Variants in NRF1 observed in about 807,000 individuals in gnomAD.
The protein encoded by NRF1 is nuclear respiratory factor 1.
A neutral mutation model predicts 58.5 loss-of-function variants in NRF1; 5 were observed. The observed-to-expected ratio is 0.09, with a 90% confidence interval of 0.04 to 0.18. The LOEUF (loss-of-function observed/expected upper bound fraction) is 0.18, where lower values mean the gene tolerates loss of function less well. Among genes scored for constraint, NRF1 ranks in the 10% least tolerant of loss-of-function variants. The pLI, the probability that NRF1 is intolerant of heterozygous loss-of-function variation, is 1.00. For synonymous variants in NRF1, 224 were observed against 246.7 expected (o/e 0.91, Z 0.86); for missense variants, 288 against 657.7 (o/e 0.44, Z 6.15).
At chr7:129,627,475 G>A (rs1228533555) in intron 1 of NRF1, among the ~76,000 whole-genome samples, 1 of 151,854 alleles carries the variant, frequency 6.6e-6, no homozygotes, top group African/African-American at 2.4e-5. Context: ...CCAAAGTGTT[G>A]GGATTACAGG....
chr7:129,689,195 A>C (rs1802509027), intron 4 of NRF1, among the ~76,000 whole-genome samples: 1 of 152,222 alleles, frequency 6.6e-6, no homozygotes, highest in African/African-American at 2.4e-5. Context: ...CTTCAACTGC[A>C]GAAGTTGCAC....
intron 1 of NRF1, among the ~76,000 whole-genome samples, chr7:129,616,554 A>G (rs558725212): frequency 6.6e-6 from 1 of 152,328 alleles, no homozygotes; most frequent in Admixed American, 6.5e-5. Context: ...GAGCATAATC[A>G]TGCCATTGTG....
intron 8 of NRF1, among the ~76,000 whole-genome samples, 180 bp downstream of exon 8, chr7:129,711,756 C>CA (rs1389210433): frequency 6.6e-6 from 1 of 152,112 alleles, no homozygotes; most frequent in Non-Finnish European, 1.5e-5. Flanking sequence ...TTAATTGTAA[C>CA]AATTAAGATT....
At chr7:129,748,399 G>GCAATAAAGTCACAGGAGGGAGAAAC in intron 10 of NRF1, among the ~76,000 whole-genome samples, 2 of 152,168 alleles carry the variant, frequency 1.3e-5, no homozygotes, top group South Asian at 4.1e-4. Flanking sequence ...AATGGTGGCG[G>GCAATAAAGTCACAGGAGGGAGAAAC]CAATAAAGTC....
intron 2 of NRF1, among the ~76,000 whole-genome samples, chr7:129,663,564 C>T (rs1319806606): frequency 5.5e-5 from 8 of 145,200 alleles, no homozygotes; most frequent in South Asian, 2.2e-4. Flanking sequence ...ACATCCCAGA[C>T]GATGGGCGGC....
chr7:129,749,490 G>C (rs374450111), intron 10 of NRF1, among the ~76,000 whole-genome samples: 115 of 151,870 alleles, frequency 7.6e-4, no homozygotes, highest in African/African-American at 2.6e-3. Context: ...GGGAAACATG[G>C]TCCTGCAGCC....
rs73721778 is a variant in NRF1, at chr7:129,673,073, G to T, written c.338+1530G>T. Among the ~76,000 whole-genome samples, 1,435 of 152,282 alleles carry T rather than the reference G, an allele frequency of 9.4e-3. 18 individuals carry two copies. Among genetic ancestry groups the T allele is most frequent in the African/African-American group, 0.027 (1,142 of 41,548 alleles). ...GTATCCTGGAAACCAGGTACAAAAA[G>T]TGTGTCAGGAAGGAGAGCATGTGAT... On this transcript the variant is annotated intron_variant, in intron 3 of 10. Coordinates refer to ENST00000393232, the MANE Select transcript of NRF1 (RefSeq NM_005011.5).
chr7:129,676,181 C>G (rs1802172428), intron 3 of NRF1, among the ~76,000 whole-genome samples: 2 of 152,190 alleles, frequency 1.3e-5, no homozygotes, highest in South Asian at 2.1e-4. Context: ...ACCACTAAAA[C>G]TTTCTCCATA....
At chr7:129,647,273 G>C (rs1285021592) in intron 1 of NRF1, among the ~76,000 whole-genome samples, 1 of 151,866 alleles carries the variant, frequency 6.6e-6, no homozygotes, top group Admixed American at 6.6e-5. Context: ...CTCGCGATCT[G>C]CCCGCCTCTG....
intron 10 of NRF1, among the ~76,000 whole-genome samples, chr7:129,745,781 T>C (rs9641856): frequency 1 from 151,728 of 152,326 alleles, 75,571 homozygotes; most frequent in Middle Eastern, 1. Flanking sequence ...TCCTGGGCAT[T>C]GCCAGTAATT....
intron 1 of NRF1, among the ~76,000 whole-genome samples, chr7:129,632,138 G>A (rs1283522009): frequency 6.6e-6 from 1 of 152,098 alleles, no homozygotes; most frequent in Non-Finnish European, 1.5e-5. Flanking sequence ...AGCTGAGCGT[G>A]GGTAATGTGC....
At chr7:129,668,632 A>G (rs528075241) in intron 2 of NRF1, among the ~76,000 whole-genome samples, 1 of 152,362 alleles carries the variant, frequency 6.6e-6, no homozygotes, top group East Asian at 1.9e-4. Context: ...TGGTTTATCC[A>G]AACAATGGAA....
intron 1 of NRF1, among the ~76,000 whole-genome samples, chr7:129,645,499 T>C (rs548955399): frequency 3.9e-5 from 6 of 152,206 alleles, no homozygotes; most frequent in Admixed American, 6.5e-5. Flanking sequence ...CTGGAAATGA[T>C]AGCCATTACC....
At chr7:129,727,152 A>G (rs970781822) in intron 9 of NRF1, 89 bp from the exon 10 acceptor site, 1 of 1,373,616 alleles carries the variant, frequency 7.3e-7, no homozygotes, top group Non-Finnish European at 9.6e-7. Flanking sequence ...CAGTAGAAAG[A>G]CCCAAGGAAG....
rs534823031 is a variant in NRF1 at position 129,674,574 on chromosome 7, T to C, written c.338+3031T>C. On this transcript the variant is annotated intron_variant, in intron 3 of 10. Coordinates refer to ENST00000393232, the MANE Select transcript of NRF1 (RefSeq NM_005011.5). ...TTAGCCTCCCAAGTAGTTGGGACAA[T>C]AGGTGCATGTCACCATACCTGGCGA... Among the ~76,000 whole-genome samples, 7 of 152,088 alleles carry C rather than the reference T, an allele frequency of 4.6e-5. No homozygotes were observed. The East Asian group carries it at 9.7e-4, about 21-fold the overall frequency.
chr7:129,677,068 T>C (rs1403459369), intron 3 of NRF1, among the ~76,000 whole-genome samples: 1 of 143,128 alleles, frequency 7.0e-6, no homozygotes, highest in African/African-American at 2.6e-5. Flanking sequence ...TGGAGTGCAG[T>C]GGCACCATCT....
chr7:129,647,664 G>T (rs1186170814), intron 1 of NRF1, among the ~76,000 whole-genome samples: 1 of 152,160 alleles, frequency 6.6e-6, no homozygotes, highest in Non-Finnish European at 1.5e-5. Context: ...AAAGTGCTGG[G>T]ATTACAGGCG....
chr7:129,659,286 C>T (rs1562962321), intron 2 of NRF1, among the ~76,000 whole-genome samples: 1 of 152,064 alleles, frequency 6.6e-6, no homozygotes. Context: ...ACCCTGTTGG[C>T]CAGGCCGGTC....
chr7:129,676,924 G>T (rs1186690131), intron 3 of NRF1, among the ~76,000 whole-genome samples: 3 of 151,014 alleles, frequency 2.0e-5, no homozygotes, highest in Admixed American at 1.3e-4. Flanking sequence ...ATCAATAAAA[G>T]ATAGTAAAAG....
Sources: gnomAD v4.1 joint callset for allele counts (sites outside exome capture counted in the v4.1 genomes callset) on GRCh38, gnomAD v4.1.1 for gene constraint, MANE v1.5 for transcripts, NCBI Gene and HGNC (gene_info 2026-07-23, HGNC 2026-07-21) for gene names.